The following DDC variants were observed in gnomAD, a reference collection of about 807,000 sequenced individuals.
DDC encodes aromatic-L-amino-acid decarboxylase.
Under a neutral mutation model 60.0 loss-of-function variants are expected in DDC, and 43 were observed. The observed-to-expected ratio is 0.72, with a 90% CI of 0.56 to 0.92. DDC has a LOEUF of 0.92. Among genes scored for constraint, DDC ranks in the 40% least tolerant of loss-of-function variants. DDC has a pLI of 0.00. For missense variants in DDC, 573 were observed against 620.2 expected, an observed-to-expected ratio of 0.92 and a Z score of 0.81; for synonymous variants, 232 against 234.6, an observed-to-expected ratio of 0.99 and a Z score of 0.10.
intron 9 of DDC, among the ~76,000 whole-genome samples, chr7:50,483,318 T>C (rs1270861933): frequency 6.6e-6 from 1 of 152,228 alleles, no homozygotes; most frequent in Non-Finnish European, 1.5e-5. Context: ...TCTTCTACTA[T>C]TAAACCATCC....
At chr7:50,514,716 A>G (rs2043680913) in intron 6 of DDC, among the ~76,000 whole-genome samples, 1 of 152,200 alleles carries the variant, frequency 6.6e-6, no homozygotes, top group African/African-American at 2.4e-5. Context: ...AGAATTGAAC[A>G]AGTAGAAGAA....
chr7:50,540,092 A>C, intron 2 of DDC, 64 bp from the exon 3 acceptor site: 1 of 1,289,040 alleles, frequency 7.8e-7, no homozygotes, highest in Non-Finnish European at 1.1e-6. Flanking sequence ...AGAGCGGGGG[A>C]CCCAGGTACC....
At chr7:50,515,711 T>C (rs1483460827) in intron 6 of DDC, among the ~76,000 whole-genome samples, 1 of 152,112 alleles carries the variant, frequency 6.6e-6, no homozygotes, top group Non-Finnish European at 1.5e-5. Context: ...AGGACTCACA[T>C]AAACTTAAGG....
chr7:50,533,564 G>A (rs903988321), intron 4 of DDC, among the ~76,000 whole-genome samples: 1 of 152,078 alleles, frequency 6.6e-6, no homozygotes, highest in Non-Finnish European at 1.5e-5. Flanking sequence ...CAAAGTGTTG[G>A]GATTACAGGC....
intron 14 of DDC, among the ~76,000 whole-genome samples, chr7:50,460,639 C>T (rs1205531224): frequency 2.0e-5 from 3 of 151,602 alleles, no homozygotes; most frequent in Admixed American, 6.5e-5. Flanking sequence ...ATTGAGAAAT[C>T]GGATGGTTGC....
At chr7:50,482,733 C>T (rs1359469063) in intron 9 of DDC, among the ~76,000 whole-genome samples, 1 of 152,120 alleles carries the variant, frequency 6.6e-6, no homozygotes, top group Non-Finnish European at 1.5e-5. Context: ...GAATTTTCTC[C>T]ATATAAATCT....
intron 9 of DDC, among the ~76,000 whole-genome samples, chr7:50,484,331 A>G (rs1195372851): frequency 6.6e-6 from 1 of 151,770 alleles, no homozygotes; most frequent in Non-Finnish European, 1.5e-5. Context: ...TTGGAGGTTT[A>G]TTTTGTTGCT....
At position 50,528,221 on chromosome 7, in the gene DDC, G is replaced by C; in HGVS notation, c.630C>G (p.Pro210=). The change falls in exon 6 of 15, where the codon CCC becomes CCG. Residue 210 remains proline (P), a synonymous_variant. Transcript: ENST00000444124. ...LIGGVKLKAI[P]SDGNFAMRAS... is the part of the protein sequence containing the mutation. ...CACGCATGGCGAAGTTGCCATCTGA[G>C]GGGATGGCTTTTAATTTCACTCCAC... 3.7e-6 allele frequency: 6 copies of C among 1,614,128 alleles called. No homozygotes were observed. The highest frequency in any genetic ancestry group is 5.1e-6 in the Non-Finnish European group (6 of 1,179,998).
At chr7:50,493,139 G>A (rs1562999976) in intron 9 of DDC, 1 of 746,378 alleles carries the variant, frequency 1.3e-6, no homozygotes, top group East Asian at 2.7e-5. Context: ...GCGTGGCAAT[G>A]TCTGTGTCCC....
At chr7:50,564,526 G>C (rs2045393607) in intron 1 of DDC, among the ~76,000 whole-genome samples, 1 of 152,212 alleles carries the variant, frequency 6.6e-6, no homozygotes, top group Non-Finnish European at 1.5e-5. Context: ...AGAAGTAATG[G>C]TTTTAACTCA....
chr7:50,533,653 AC>A (rs2044291910), intron 4 of DDC, among the ~76,000 whole-genome samples: 2 of 152,266 alleles, frequency 1.3e-5, no homozygotes, highest in Non-Finnish European at 2.9e-5. Flanking sequence ...ATAGAAGATA[AC>A]AAAAAAGGGA....
chr7:50,503,846 G>A, intron 7 of DDC, 147 bp downstream of exon 7: 1 of 713,524 alleles, frequency 1.4e-6, no homozygotes, highest in South Asian at 1.5e-5. Context: ...AAGCTAATGA[G>A]GTTTGTGTTA....
At chr7:50,500,356 C>A (rs2153539929) in intron 7 of DDC, among the ~76,000 whole-genome samples, 1 of 152,316 alleles carries the variant, frequency 6.6e-6, no homozygotes. Context: ...GAAGGCCCCA[C>A]CTCCAATACC....
At chr7:50,466,044 G>A (rs2042388086) in intron 13 of DDC, among the ~76,000 whole-genome samples, 1 of 152,210 alleles carries the variant, frequency 6.6e-6, no homozygotes, top group South Asian at 2.1e-4. Flanking sequence ...AGTCAGGTGA[G>A]GCAAAAGGAC....
intron 9 of DDC, among the ~76,000 whole-genome samples, chr7:50,487,241 T>A (rs765992278): frequency 1.3e-5 from 2 of 152,130 alleles, no homozygotes; most frequent in African/African-American, 2.4e-5. Flanking sequence ...TCAGTTCATA[T>A]AGTTTTAGTA....
intron 4 of DDC, 79 bp downstream of exon 4, chr7:50,537,781 G>A: frequency 6.4e-7 from 1 of 1,557,038 alleles, no homozygotes; most frequent in Non-Finnish European, 8.9e-7. Context: ...AAGCATGAGT[G>A]CCTCTTTCCC....
chr7:50,478,962 C>G (rs2042708602), intron 10 of DDC, among the ~76,000 whole-genome samples: 1 of 152,238 alleles, frequency 6.6e-6, no homozygotes, highest in Non-Finnish European at 1.5e-5. Flanking sequence ...AGGAATACAT[C>G]TTCAAAGCCT....
At chr7:50,467,470 T>C (rs1189524984) in intron 12 of DDC, among the ~76,000 whole-genome samples, 155 bp from the exon 13 acceptor site, 1 of 152,232 alleles carries the variant, frequency 6.6e-6, no homozygotes, top group Non-Finnish European at 1.5e-5. Context: ...ACCAGCTGTT[T>C]CCAGGCAGGC....
At chr7:50,512,847 A>C (rs757540090) in intron 6 of DDC, among the ~76,000 whole-genome samples, 3 of 152,204 alleles carry the variant, frequency 2.0e-5, no homozygotes, top group Non-Finnish European at 4.4e-5. Flanking sequence ...GAAGACTTGG[A>C]TATTCAAAGA....
Sources: allele counts gnomAD v4.1 joint callset (sites outside exome capture counted in the v4.1 genomes callset), GRCh38; gene constraint gnomAD v4.1.1; transcripts MANE v1.5; gene names NCBI Gene and HGNC (gene_info 2026-07-23, HGNC 2026-07-21).